Variants in SNRK observed in about 807,000 individuals in gnomAD.
SNRK encodes SNF related kinase, also known as SNF-related serine/threonine-protein kinase.
A neutral mutation model predicts 48.2 loss-of-function variants in SNRK; 3 were observed. The ratio of observed to expected loss-of-function variants is 0.06; its 90% CI spans 0.03 to 0.16. The LOEUF (loss-of-function observed/expected upper bound fraction) is 0.16, where lower values mean the gene tolerates loss of function less well. Ranked by LOEUF, SNRK falls within the 10% of genes least tolerant of loss-of-function variation. The probability of loss-of-function intolerance (pLI) is 1.00; values close to 1 mark genes in which losing one functional copy is unlikely to be tolerated. For missense variants in SNRK, 627 were observed against 976.0 expected (o/e 0.64, Z 4.76); for synonymous variants, 376 against 366.1 (o/e 1.03, Z -0.31).
At chr3:43,290,776 C>T (rs1362195490) in intron 1 of SNRK, among the ~76,000 whole-genome samples, 4 of 152,142 alleles carry the variant, frequency 2.6e-5, no homozygotes. Context: ...TTATGCTAGC[C>T]TTCATTTGTT....
At chr3:43,318,566 T>C (rs1023630796) in intron 3 of SNRK, among the ~76,000 whole-genome samples, 2 of 151,958 alleles carry the variant, frequency 1.3e-5, no homozygotes, top group African/African-American at 4.8e-5. Flanking sequence ...TTTTAAACTT[T>C]TTGAGGTAAG....
At position 43,291,761 on chromosome 3, in the gene SNRK, G is replaced by T. The variant is rs1271387639; in HGVS notation, c.-169+5086G>T. ...CATATGTGCTTAATAAATGAATTCT[G>T]ATCATTCCTGAAGTGTACCTCTATG... On this transcript the variant is annotated intron_variant, in intron 1 of 6. Coordinates refer to ENST00000296088, the MANE Select transcript of SNRK (RefSeq NM_017719.5). Among the ~76,000 whole-genome samples, 3 of 152,266 alleles carry T rather than the reference G, an allele frequency of 2.0e-5. No homozygotes were observed. The East Asian group carries it at 5.8e-4, about 29-fold the overall frequency.
chr3:43,320,270 CT>C (rs1203505684), intron 3 of SNRK, among the ~76,000 whole-genome samples: 2 of 152,108 alleles, frequency 1.3e-5, no homozygotes, highest in East Asian at 3.8e-4. Context: ...GTACAGTATT[CT>C]TTTTATTTCC....
chr3:43,311,852 A>G (rs1406193610), intron 3 of SNRK, among the ~76,000 whole-genome samples: 1 of 152,192 alleles, frequency 6.6e-6, no homozygotes, highest in Non-Finnish European at 1.5e-5. Context: ...GAGCAGCATT[A>G]GGAAAGAACT....
chr3:43,335,905 A>G (rs2091184230), intron 4 of SNRK, among the ~76,000 whole-genome samples: 1 of 152,134 alleles, frequency 6.6e-6, no homozygotes, highest in Admixed American at 6.5e-5. Flanking sequence ...TGTGTGCTGT[A>G]GAGTTTTTCT....
At chr3:43,330,528 A>G (rs2091138180) in intron 3 of SNRK, among the ~76,000 whole-genome samples, 1 of 152,236 alleles carries the variant, frequency 6.6e-6, no homozygotes, top group South Asian at 2.1e-4. Context: ...AACATAAACT[A>G]TATAAATTTC....
At chr3:43,297,138 TC>T (rs1320120112) in intron 1 of SNRK, among the ~76,000 whole-genome samples, 2 of 152,114 alleles carry the variant, frequency 1.3e-5, no homozygotes, top group Non-Finnish European at 2.9e-5. Flanking sequence ...AAAATATTGA[TC>T]TAGAAGAACT....
At chr3:43,338,217 G>A (rs954655972) in intron 4 of SNRK, among the ~76,000 whole-genome samples, 6 of 152,148 alleles carry the variant, frequency 3.9e-5, no homozygotes, top group Non-Finnish European at 7.4e-5. Context: ...CCTTCCAAGT[G>A]GAATCACACT....
chr3:43,286,554 C>G lies in SNRK; in HGVS notation c.-290C>G, dbSNP rs1012085065. 1.3e-5 allele frequency: 2 copies of G among 151,112 alleles called. No individual in the cohort carries two copies. Among genetic ancestry groups the G allele is most frequent in the African/African-American group, 2.4e-5 (1 of 41,290 alleles). The allele number at this position is 151,112 out of a possible 1,614,324, so 9.4% of individuals were successfully genotyped here. On this transcript the variant is annotated 5_prime_UTR_variant, in exon 1 of 7. Transcript: ENST00000296088. ...CGCGCAGGCGCAGCTACCCGGCACC[C>G]CCTCCCCGCGGCCGGCAGCCCGCTC...
intron 3 of SNRK, among the ~76,000 whole-genome samples, chr3:43,327,600 G>A (rs907126357): frequency 2.0e-5 from 3 of 152,076 alleles, no homozygotes; most frequent in Non-Finnish European, 4.4e-5. Flanking sequence ...CTCCTCTTTT[G>A]TTGTATAGAT....
intron 1 of SNRK, among the ~76,000 whole-genome samples, chr3:43,294,738 T>TC (rs1170918505): frequency 6.6e-6 from 1 of 151,814 alleles, no homozygotes; most frequent in East Asian, 1.9e-4. Flanking sequence ...TTTTTTTTTT[T>TC]CTGTTCCACA....
rs1363283384 is a variant in SNRK, at chr3:43,343,423, G to C, written c.1024G>C (p.Glu342Gln). 1 of 1,613,838 alleles carries C rather than the reference G, an allele frequency of 6.2e-7. No homozygotes were observed. Among genetic ancestry groups the C allele is most frequent in the East Asian group, 2.2e-5 (1 of 44,886 alleles). ...LAERILREKQ[E>Q]KEIQTRSASP... Reference sequence around the variant, plus strand: ...TGAAAGGATCCTGAGAGAAAAGCAAGAGAAAGAAATACAGACCAGATCTGC... The same window carrying C: ...TGAAAGGATCCTGAGAGAAAAGCAACAGAAAGAAATACAGACCAGATCTGC... Residue 342 changes from glutamate to glutamine, a missense_variant, in exon 6 of 7, where the codon GAG becomes CAG. This residue lies in a region of SNRK where 175 missense variants were observed against 209.7 expected (regional missense o/e 0.83). Coordinates refer to ENST00000296088, the MANE Select transcript of SNRK (RefSeq NM_017719.5).
At chr3:43,344,754 G>A (rs2091262454) in intron 6 of SNRK, among the ~76,000 whole-genome samples, 1 of 152,090 alleles carries the variant, frequency 6.6e-6, no homozygotes, top group South Asian at 2.1e-4. Context: ...AGATAAACCA[G>A]AGACTGATGC....
At chr3:43,299,435 C>G (rs975194707) in intron 1 of SNRK, among the ~76,000 whole-genome samples, 6 of 152,154 alleles carry the variant, frequency 3.9e-5, no homozygotes, top group Non-Finnish European at 5.9e-5. Context: ...CTCGGCCTCC[C>G]AAAGTGCTGG....
chr3:43,323,270 G>A (rs2091069454), intron 3 of SNRK, among the ~76,000 whole-genome samples: 1 of 152,080 alleles, frequency 6.6e-6, no homozygotes, highest in Non-Finnish European at 1.5e-5. Context: ...CCTTAGGTTA[G>A]GCAAAGATAT....
At chr3:43,343,300 C>T (rs2091251278) in intron 5 of SNRK, 44 bp from the exon 6 acceptor site, 2 of 1,533,590 alleles carry the variant, frequency 1.3e-6, no homozygotes, top group Non-Finnish European at 1.7e-6. Context: ...TGTAAAAAAA[C>T]CTCCTGATAT....
At chr3:43,287,814 G>A (rs2090778247) in intron 1 of SNRK, among the ~76,000 whole-genome samples, 1 of 152,134 alleles carries the variant, frequency 6.6e-6, no homozygotes, top group Non-Finnish European at 1.5e-5. Flanking sequence ...TAAAGCCCGG[G>A]TTGTCAAGGC....
chr3:43,333,922 C>T (rs961134611), intron 4 of SNRK, among the ~76,000 whole-genome samples: 1 of 151,994 alleles, frequency 6.6e-6, no homozygotes, highest in African/African-American at 2.4e-5. Flanking sequence ...CCGAGACAGG[C>T]AGATCACAAG....
intron 3 of SNRK, among the ~76,000 whole-genome samples, chr3:43,325,226 C>CG (rs2091086719): frequency 6.6e-6 from 1 of 152,176 alleles, no homozygotes; most frequent in African/African-American, 2.4e-5. Context: ...ACTGCAGTGG[C>CG]GCTGTCTTGG....
Sources: allele counts gnomAD v4.1 joint callset (sites outside exome capture counted in the v4.1 genomes callset), GRCh38; gene constraint gnomAD v4.1.1; regional missense constraint gnomAD v4.1.1; transcripts MANE v1.5; gene names NCBI Gene and HGNC (gene_info 2026-07-23, HGNC 2026-07-21).